The following UVRAG variants were observed in gnomAD, a reference collection of about 807,000 sequenced individuals.
The protein encoded by UVRAG is UV radiation resistance associated.
A neutral mutation model predicts 78.0 loss-of-function variants in UVRAG; 19 were observed. The observed-to-expected ratio is 0.24, with a 90% CI of 0.17 to 0.36. The LOEUF is 0.36. Ranked by LOEUF, UVRAG falls within the 10% of genes least tolerant of loss-of-function variation. The pLI, the probability that UVRAG is intolerant of heterozygous loss-of-function variation, is 1.00. For synonymous variants in UVRAG, 323 were observed against 324.6 expected, an observed-to-expected ratio of 1.00 and a Z score of 0.05; for missense variants, 740 against 853.8, an observed-to-expected ratio of 0.87 and a Z score of 1.66.
intron 1 of UVRAG, among the ~76,000 whole-genome samples, chr11:75,842,125 G>A (rs999267677): frequency 6.6e-6 from 1 of 152,142 alleles, no homozygotes; most frequent in Non-Finnish European, 1.5e-5. Flanking sequence ...TATCCCAAAA[G>A]GACCAGGTGG....
intron 13 of UVRAG, among the ~76,000 whole-genome samples, chr11:76,098,100 C>T (rs192205424): frequency 7.9e-4 from 120 of 151,792 alleles, no homozygotes; most frequent in African/African-American, 2.5e-3. Context: ...CTTCTAGACA[C>T]GCTTGAATCA....
Position 76,141,148 on chromosome 11 carries a change from A to C in UVRAG, c.1835A>C (p.Gln612Pro), listed in dbSNP as rs1332740451. The change falls in exon 15 of 15, where the codon CAG (glutamine) becomes CCG (proline). Residue 612 changes from glutamine to proline, a missense_variant. Physicochemically the swap from Gln to Pro is moderately conservative, Grantham distance 76. Coordinates refer to ENST00000356136, the MANE Select transcript of UVRAG (RefSeq NM_003369.4). ...GAGCAGGCCGGGTCCGCCAGTGTCC[A>C]GCTTCCAGGCGAGTTCCACCCAGTC... ...PSEQAGSASV[Q>P]LPGEFHPVSE... The C allele has an allele frequency of 6.2e-7, 1 of 1,614,182 alleles. No individual in the cohort carries two copies. Among genetic ancestry groups the C allele is most frequent in the Admixed American group, 1.7e-5 (1 of 60,026 alleles).
intron 5 of UVRAG, among the ~76,000 whole-genome samples, chr11:75,892,581 C>G (rs1282823365): frequency 6.6e-6 from 1 of 152,168 alleles, no homozygotes; most frequent in Non-Finnish European, 1.5e-5. Flanking sequence ...AGTAGCAGAG[C>G]TGCGATTCAA....
At chr11:75,828,629 C>A (rs1945572100) in intron 1 of UVRAG, among the ~76,000 whole-genome samples, 1 of 149,822 alleles carries the variant, frequency 6.7e-6, no homozygotes. Context: ...CAGGCACGCA[C>A]CACCATGCCT....
chr11:75,848,188 C>A (rs1334802802), intron 1 of UVRAG, among the ~76,000 whole-genome samples: 1 of 149,572 alleles, frequency 6.7e-6, no homozygotes, highest in African/African-American at 2.5e-5. Flanking sequence ...CAGAGAGAGA[C>A]CCTGTCTCAA....
chr11:75,951,256 GT>G (rs1280893135), intron 6 of UVRAG, among the ~76,000 whole-genome samples: 1 of 151,574 alleles, frequency 6.6e-6, no homozygotes, highest in Non-Finnish European at 1.5e-5. Flanking sequence ...ACTGCCATTT[GT>G]TGACAAAGTT....
chr11:76,140,362 T>C (rs1591278856), intron 14 of UVRAG, among the ~76,000 whole-genome samples: 3 of 152,176 alleles, frequency 2.0e-5, no homozygotes, highest in East Asian at 1.9e-4. Context: ...TTCAGAAATA[T>C]GAAGTTAGTT....
At chr11:75,980,349 A>C (rs1949364986) in intron 7 of UVRAG, among the ~76,000 whole-genome samples, 1 of 150,752 alleles carries the variant, frequency 6.6e-6, no homozygotes, top group African/African-American at 2.5e-5. Context: ...TTTTATTTTT[A>C]TGGATGGGGT....
intron 13 of UVRAG, among the ~76,000 whole-genome samples, chr11:76,073,526 A>G (rs571357825): frequency 6.6e-6 from 1 of 152,098 alleles, no homozygotes; most frequent in Non-Finnish European, 1.5e-5. Flanking sequence ...GATTTTTTTG[A>G]TAAGATTGGT....
chr11:75,829,226 C>CGACT (rs1170826925), intron 1 of UVRAG, among the ~76,000 whole-genome samples: 2 of 152,092 alleles, frequency 1.3e-5, no homozygotes, highest in East Asian at 3.9e-4. Flanking sequence ...TAGATGTGTG[C>CGACT]GACTGTACCC....
At chr11:75,994,351 T>C (rs756453737) in intron 8 of UVRAG, among the ~76,000 whole-genome samples, 6 of 152,202 alleles carry the variant, frequency 3.9e-5, no homozygotes, top group Non-Finnish European at 7.3e-5. Context: ...GTTACCCTCA[T>C]TGTATATGTG....
intron 1 of UVRAG, among the ~76,000 whole-genome samples, chr11:75,818,058 TAAA>T (rs1945299733): frequency 6.8e-6 from 1 of 146,818 alleles, no homozygotes; most frequent in African/African-American, 2.7e-5. Flanking sequence ...AGACTCTATC[TAAA>T]AACAAACAAA....
rs80080825 is a variant in UVRAG at position 75,829,112 on chromosome 11, G to A, written c.117+13588G>A. Among the ~76,000 whole-genome samples the A allele has an allele frequency of 7.1e-3, 1,075 of 152,030 alleles. 12 individuals carry two copies. The highest frequency in any genetic ancestry group is 0.025 in the African/African-American group (1,027 of 41,458). The stretch of plus-strand genomic sequence containing the variant: ...ACTGGGTCTCATTATATTGCCCAAC[G>A]TCAGGCTGAAGCATAGCGGCTATTC... On this transcript the variant is annotated intron_variant, in intron 1 of 14. Transcript: ENST00000356136.
At chr11:76,058,023 A>C (rs1951015104) in intron 12 of UVRAG, among the ~76,000 whole-genome samples, 1 of 152,082 alleles carries the variant, frequency 6.6e-6, no homozygotes, top group African/African-American at 2.4e-5. Flanking sequence ...TAGCCTTAAC[A>C]CTTATCATAG....
Position 76,115,996 on chromosome 11 carries a change from C to G in UVRAG, c.1378C>G (p.His460Asp). The change falls in exon 14 of 15, where the codon CAT (histidine) becomes GAT (aspartate). Residue 460 changes from histidine (H) to aspartate (D), a missense_variant. Transcript: ENST00000356136. ...TLPNLKNFME[H>D]GLMVRCDRHH... ...TCCCAACCTGAAAAACTTCATGGAG[C>G]ATGGACTAATGGTCAGGTGGTGAGT... 6.2e-7 allele frequency: 1 copy of G among 1,613,814 alleles called. No homozygotes were observed.
At chr11:76,068,440 TCAATAGGTTAACTACTC>T (rs1951237795) in intron 13 of UVRAG, among the ~76,000 whole-genome samples, 1 of 152,214 alleles carries the variant, frequency 6.6e-6, no homozygotes, top group Non-Finnish European at 1.5e-5. Context: ...GAGAGAACAA[TCAATAGGTTAACTACTC>T]TGAATCCATA....
At chr11:76,027,160 A>G (rs761221994) in intron 12 of UVRAG, among the ~76,000 whole-genome samples, 1 of 152,150 alleles carries the variant, frequency 6.6e-6, no homozygotes, top group Non-Finnish European at 1.5e-5. Flanking sequence ...AGCCCAGAAG[A>G]TGAAGTGCTA....
At chr11:76,000,986 A>G (rs931538799) in intron 8 of UVRAG, among the ~76,000 whole-genome samples, 31 of 152,346 alleles carry the variant, frequency 2.0e-4, no homozygotes, top group African/African-American at 7.2e-4. Flanking sequence ...AAAAGACATT[A>G]CTATCAATTT....
chr11:76,105,796 A>G (rs1282180641), intron 13 of UVRAG, among the ~76,000 whole-genome samples: 1 of 152,170 alleles, frequency 6.6e-6, no homozygotes, highest in East Asian at 1.9e-4. Context: ...AGACACTACT[A>G]TACAACTGCT....
Sources: allele counts gnomAD v4.1 joint callset (sites outside exome capture counted in the v4.1 genomes callset), GRCh38; gene constraint gnomAD v4.1.1; transcripts MANE v1.5; gene names NCBI Gene and HGNC (gene_info 2026-07-23, HGNC 2026-07-21).